The following NCKAP5 variants were observed in gnomAD, a reference collection of about 807,000 sequenced individuals.
The protein encoded by NCKAP5 is NCK associated protein 5.
Under a neutral mutation model 167.0 loss-of-function variants are expected in NCKAP5, and 92 were observed. That is an observed-to-expected ratio of 0.55 (90% CI 0.47 to 0.66). NCKAP5 has a LOEUF of 0.66. Among genes scored for constraint, NCKAP5 ranks in the 30% least tolerant of loss-of-function variants. The pLI, the probability that NCKAP5 is intolerant of heterozygous loss-of-function variation, is 0.00. For synonymous variants in NCKAP5, 891 were observed against 877.4 expected (o/e 1.02, Z -0.27); for missense variants, 2,378 against 2,315.0 (o/e 1.03, Z -0.56).
At chr2:133,192,478 G>A (rs1214074708) in intron 5 of NCKAP5, among the ~76,000 whole-genome samples, 1 of 151,810 alleles carries the variant, frequency 6.6e-6, no homozygotes, top group Non-Finnish European at 1.5e-5. Context: ...TTATACACTG[G>A]GAGAAAACAT....
chr2:133,175,079 T>G (rs976501780), intron 5 of NCKAP5, among the ~76,000 whole-genome samples: 3 of 152,196 alleles, frequency 2.0e-5, no homozygotes, highest in African/African-American at 7.2e-5. Context: ...TGAGAAATGG[T>G]ATCTCCATGG....
chr2:133,103,430 C>A (rs1326366269), intron 6 of NCKAP5, among the ~76,000 whole-genome samples: 1 of 152,116 alleles, frequency 6.6e-6, no homozygotes, highest in Non-Finnish European at 1.5e-5. Context: ...TCTCCAACCC[C>A]TGAGAATTAA....
Position 132,930,086 on chromosome 2 carries a change from AT to A in NCKAP5, c.579+33633del, listed in dbSNP as rs1696248818. On this transcript the variant is annotated intron_variant, in intron 8 of 19. Coordinates refer to ENST00000409261, the MANE Select transcript of NCKAP5 (RefSeq NM_207363.3). ...GCAGAGACTACTTCCAACCTCCACA[AT>A]TGTATAAGCCAGGTCCCCGTAACAA... 3.9e-5 allele frequency: 6 copies of A among 152,050 alleles called. No individual in the cohort carries two copies. The South Asian group carries it at 8.3e-4, about 21-fold the overall frequency. The allele number at this position is 152,050 out of a possible 1,614,324, so 9.4% of individuals were successfully genotyped here.
chr2:133,277,748 A>G (rs2150445300), intron 4 of NCKAP5, among the ~76,000 whole-genome samples: 1 of 152,330 alleles, frequency 6.6e-6, no homozygotes, highest in Middle Eastern at 3.4e-3. Context: ...AATTTACTAT[A>G]AAGTTTCTAA....
chr2:132,737,036 C>T (rs954715748), intron 16 of NCKAP5, among the ~76,000 whole-genome samples: 1 of 152,184 alleles, frequency 6.6e-6, no homozygotes, highest in African/African-American at 2.4e-5. Flanking sequence ...CAAATTCTCA[C>T]AGTTACCACC....
At chr2:132,775,755 T>C (rs1047676986) in intron 15 of NCKAP5, among the ~76,000 whole-genome samples, 1 of 152,192 alleles carries the variant, frequency 6.6e-6, no homozygotes, top group Non-Finnish European at 1.5e-5. Flanking sequence ...AATAATCCAC[T>C]GGGAGCCTTT....
intron 3 of NCKAP5, among the ~76,000 whole-genome samples, chr2:133,435,177 G>C (rs1432339118): frequency 1.3e-5 from 2 of 152,140 alleles, no homozygotes; most frequent in Non-Finnish European, 2.9e-5. Flanking sequence ...GAGTGGGTGG[G>C]AATGTTTCAG....
At position 133,001,855 on chromosome 2, in the gene NCKAP5, G is replaced by GA. The variant is rs917011056; in HGVS notation, c.342-7617dup. On this transcript the variant is annotated intron_variant, in intron 6 of 19. Transcript: ENST00000409261. ...CCAGTTGTACACTGAAAATATTCAGGAAAAAAAAACTGCACAAAGTTCCAA... is the reference window on the plus strand; with the variant it reads ...CCAGTTGTACACTGAAAATATTCAGGAAAAAAAAAACTGCACAAAGTTCCAA... Among the ~76,000 whole-genome samples the GA allele has an allele frequency of 1.5e-4, 22 of 150,836 alleles. 1 individual carries two copies. The highest frequency in any genetic ancestry group is 4.0e-4 in the Admixed American group (6 of 15,092).
intron 8 of NCKAP5, among the ~76,000 whole-genome samples, chr2:132,904,190 A>C (rs1693839705): frequency 6.6e-6 from 1 of 152,110 alleles, no homozygotes; most frequent in Admixed American, 6.6e-5. Flanking sequence ...TGGGAGGCTG[A>C]GGCAAGAGAA....
At chr2:133,016,593 T>A (rs2078345880) in intron 6 of NCKAP5, among the ~76,000 whole-genome samples, 1 of 152,236 alleles carries the variant, frequency 6.6e-6, no homozygotes, top group Admixed American at 6.5e-5. Context: ...GAAAGCGCGG[T>A]CTGACGGCTA....
In NCKAP5 at chr2:133,233,797, AGATG is replaced by A. The variant is rs2087265986; in HGVS notation, c.144-20022_144-20019del. Reference sequence around the variant, plus strand: ...ATCCATACAAATCTCTTCTTTTTATAGATGAGGAATCAGAACTTCCAACTGAGCA... The same window carrying A: ...ATCCATACAAATCTCTTCTTTTTATAAGGAATCAGAACTTCCAACTGAGCA... On this transcript the variant is annotated intron_variant, in intron 4 of 19. Coordinates refer to ENST00000409261, the MANE Select transcript of NCKAP5 (RefSeq NM_207363.3). Among the ~76,000 whole-genome samples the A allele has an allele frequency of 2.0e-5, 3 of 152,362 alleles. No individual in the cohort carries two copies. In the South Asian group the frequency reaches 6.2e-4, roughly 32 times the overall value.
intron 13 of NCKAP5, among the ~76,000 whole-genome samples, chr2:132,788,261 T>C (rs1224426189): frequency 6.6e-6 from 1 of 152,166 alleles, no homozygotes; most frequent in Non-Finnish European, 1.5e-5. Flanking sequence ...AAAGATGCTG[T>C]TGCTGAGGTG....
At chr2:133,011,926 C>T (rs956970829) in intron 6 of NCKAP5, among the ~76,000 whole-genome samples, 2 of 152,176 alleles carry the variant, frequency 1.3e-5, no homozygotes, top group African/African-American at 4.8e-5. Context: ...CCTGAGCCCT[C>T]TTTTGCATGG....
At chr2:133,130,781 C>T (rs1220796188) in intron 5 of NCKAP5, among the ~76,000 whole-genome samples, 1 of 152,228 alleles carries the variant, frequency 6.6e-6, no homozygotes, top group Non-Finnish European at 1.5e-5. Flanking sequence ...AAAAAGCACA[C>T]AGCTCAGATC....
At chr2:133,518,372 T>TTTTG (rs1261336479) in intron 2 of NCKAP5, among the ~76,000 whole-genome samples, 2 of 129,286 alleles carry the variant, frequency 1.5e-5, no homozygotes, top group East Asian at 2.1e-4. Context: ...TTTTTTTTTT[T>TTTTG]GGGATGGAAT....
chr2:133,669,122 A>G, the NCKAP5 span, among the ~76,000 whole-genome samples: 1 of 152,196 alleles, frequency 6.6e-6, no homozygotes, highest in South Asian at 2.1e-4. Context: ...CCTAGTAGTG[A>G]CTAGGCTACT....
intron 19 of NCKAP5, among the ~76,000 whole-genome samples, chr2:132,690,999 A>ACTGT (rs1277322651): frequency 6.6e-6 from 1 of 152,136 alleles, no homozygotes; most frequent in Non-Finnish European, 1.5e-5. Flanking sequence ...CTAGATCATG[A>ACTGT]CTGTCTCCTG....
At chr2:133,136,176 A>G (rs1559178057) in intron 5 of NCKAP5, among the ~76,000 whole-genome samples, 2 of 152,182 alleles carry the variant, frequency 1.3e-5, no homozygotes, top group South Asian at 4.1e-4. Context: ...TTTCAAACAG[A>G]TGGCTTGATG....
At chr2:133,307,391 G>A (rs1680855262) in intron 3 of NCKAP5, among the ~76,000 whole-genome samples, 1 of 152,034 alleles carries the variant, frequency 6.6e-6, no homozygotes, top group Non-Finnish European at 1.5e-5. Flanking sequence ...AAATATTTCA[G>A]CACAGGGGAA....
Sources: allele counts gnomAD v4.1 joint callset (sites outside exome capture counted in the v4.1 genomes callset), GRCh38; gene constraint gnomAD v4.1.1; transcripts MANE v1.5; gene names NCBI Gene and HGNC (gene_info 2026-07-23, HGNC 2026-07-21).